Variants in RGS5 observed in about 807,000 individuals in gnomAD.
RGS5 encodes the protein regulator of G protein signaling 5.
In RGS5, 20 loss-of-function variants were observed where a neutral mutation model predicts 18.9. The observed-to-expected ratio is 1.06, with a 90% CI of 0.74 to 1.54. The LOEUF is 1.54. Ranked by LOEUF, RGS5 falls within the 40% of genes most tolerant of loss-of-function variation. RGS5 has a pLI of 0.00. For synonymous variants in RGS5, 57 were observed against 76.2 expected, an observed-to-expected ratio of 0.75 and a Z score of 1.31; for missense variants, 201 against 211.8, an observed-to-expected ratio of 0.95 and a Z score of 0.32.
intron 2 of RGS5, among the ~76,000 whole-genome samples, chr1:163,222,755 G>C (rs1293388617): frequency 6.6e-6 from 1 of 152,200 alleles, no homozygotes; most frequent in African/African-American, 2.4e-5. Context: ...AAAGACAGGG[G>C]TTCTTTGTTG....
At chr1:163,174,851 A>G (rs1326641813) in intron 1 of RGS5, among the ~76,000 whole-genome samples, 2 of 152,238 alleles carry the variant, frequency 1.3e-5, no homozygotes, top group Admixed American at 1.3e-4. Flanking sequence ...TATGTCAGGA[A>G]CAGCGAGAAG....
At chr1:163,317,638 C>T (rs185941999) in intron 1 of RGS5, among the ~76,000 whole-genome samples, 1 of 152,142 alleles carries the variant, frequency 6.6e-6, no homozygotes, top group African/African-American at 2.4e-5. Context: ...TTACTATTAG[C>T]CTTAAGAAGG....
At chr1:163,243,716 C>T (rs1647859984) in intron 2 of RGS5, among the ~76,000 whole-genome samples, 4 of 148,368 alleles carry the variant, frequency 2.7e-5, no homozygotes. Flanking sequence ...ACAGGTTTAC[C>T]TTTGTAACAA....
Position 163,213,714 on chromosome 1 carries a change from C to T in RGS5, c.69+3812G>A, listed in dbSNP as rs116744481. ...CTCCCTCCTGGTTTTTCCTCCTACGCTCCAAGAACTTCAACTGCAGGATCA... is the reference window on the plus strand; with the variant it reads ...CTCCCTCCTGGTTTTTCCTCCTACGTTCCAAGAACTTCAACTGCAGGATCA... On this transcript the variant is annotated intron_variant, in intron 1 of 5. Transcript: ENST00000367903. Among the ~76,000 whole-genome samples, 1,232 of 152,282 alleles carry T rather than the reference C, an allele frequency of 8.1e-3. 5 individuals carry two copies. The highest frequency in any genetic ancestry group is 0.014 in the Non-Finnish European group (939 of 68,016).
intron 1 of RGS5, among the ~76,000 whole-genome samples, chr1:163,184,051 C>T (rs951106241): frequency 1.3e-5 from 2 of 152,088 alleles, no homozygotes; most frequent in East Asian, 1.9e-4. Context: ...GGTTCTTGCA[C>T]GTTGAGGACT....
rs1027034349 is a variant in RGS5 at position 163,152,672 on chromosome 1, C to T, written c.262G>A (p.Glu88Lys). 19 of 1,609,932 alleles carry T rather than the reference C, an allele frequency of 1.2e-5. No homozygotes were observed. The highest frequency in any genetic ancestry group is 1.6e-5 in the Non-Finnish European group (19 of 1,178,132). ...FKSFLKSEFSEENLEFWIACE... is the reference protein window; with the variant it reads ...FKSFLKSEFSKENLEFWIACE... Reference sequence around the variant, plus strand: ...GCAATCCAGAACTCAAGGTTTTCCTCACTGAATTCAGACTTCAGGAAACTT... The same window carrying T: ...GCAATCCAGAACTCAAGGTTTTCCTTACTGAATTCAGACTTCAGGAAACTT... The change falls in exon 4 of 5, where the codon GAG (glutamate) becomes AAG (lysine). Residue 88 changes from glutamate (E) to lysine (K), a missense_variant. Coordinates refer to ENST00000313961, the MANE Select transcript of RGS5 (RefSeq NM_003617.4).
chr1:163,277,978 A>G (rs2999862), intron 2 of RGS5, among the ~76,000 whole-genome samples: 35,746 of 151,834 alleles, frequency 0.24, 5,539 homozygotes, highest in East Asian at 0.66. Context: ...AGACAAAAAG[A>G]AAAAATAAAT....
At chr1:163,307,947 A>T (rs1271177510) in intron 1 of RGS5, among the ~76,000 whole-genome samples, 1 of 152,212 alleles carries the variant, frequency 6.6e-6, no homozygotes, top group African/African-American at 2.4e-5. Flanking sequence ...ATGAGATAGA[A>T]ACTTACATCT....
intron 2 of RGS5, among the ~76,000 whole-genome samples, chr1:163,282,634 C>A (rs1649024389): frequency 6.6e-6 from 1 of 152,094 alleles, no homozygotes; most frequent in Non-Finnish European, 1.5e-5. Context: ...CACTTGAGCC[C>A]AGGAGTTCAA....
chr1:163,264,333 C>A (rs1211716816), intron 2 of RGS5, among the ~76,000 whole-genome samples: 2 of 152,110 alleles, frequency 1.3e-5, no homozygotes, highest in African/African-American at 2.4e-5. Flanking sequence ...GTCCCAAATT[C>A]TATCTCAGTT....
Position 163,146,565 on chromosome 1 carries a change from C to T in RGS5, c.*777G>A, listed in dbSNP as rs926058096. The T allele has an allele frequency of 9.2e-5, 14 of 152,058 alleles. No individual in the cohort carries two copies. The highest frequency in any genetic ancestry group is 3.4e-4 in the African/African-American group (14 of 41,414). The allele number at this position is 152,058 out of a possible 1,614,324, so 9.4% of individuals were successfully genotyped here. ...AATTTGAAAATGGAAACATTTGACC[C>T]ACAGTCTAGCAGCATAAATACATTT... On this transcript the variant is annotated 3_prime_UTR_variant, in exon 5 of 5. Coordinates refer to ENST00000313961, the MANE Select transcript of RGS5 (RefSeq NM_003617.4).
intron 2 of RGS5, among the ~76,000 whole-genome samples, chr1:163,293,389 G>C (rs947251404): frequency 1.3e-5 from 2 of 152,152 alleles, no homozygotes; most frequent in Non-Finnish European, 2.9e-5. Context: ...GAAAGAGCGA[G>C]GGGAGGAAGT....
intron 2 of RGS5, among the ~76,000 whole-genome samples, chr1:163,166,257 C>A (rs1305189192): frequency 1.7e-5 from 1 of 59,274 alleles, no homozygotes. Flanking sequence ...GGAATATAAG[C>A]ACTTATTTGT....
intron 1 of RGS5, among the ~76,000 whole-genome samples, chr1:163,213,454 T>G (rs1007517693): frequency 6.6e-6 from 1 of 152,112 alleles, no homozygotes; most frequent in African/African-American, 2.4e-5. Flanking sequence ...CTCCATTCTT[T>G]CTGAGTGTAA....
intron 1 of RGS5, among the ~76,000 whole-genome samples, chr1:163,181,358 C>A (rs562839693): frequency 7.2e-5 from 11 of 152,146 alleles, no homozygotes; most frequent in African/African-American, 2.4e-4. Flanking sequence ...AGGATCAGAA[C>A]AAGTCTCACT....
At chr1:163,150,683 T>A (rs939262105) in intron 4 of RGS5, among the ~76,000 whole-genome samples, 8 of 152,126 alleles carry the variant, frequency 5.3e-5, no homozygotes, top group African/African-American at 1.9e-4. Flanking sequence ...CTAGATTCTT[T>A]CTAGCACCTT....
chr1:163,212,144 C>A (rs2036702), intron 1 of RGS5: 20,881 of 152,132 alleles, frequency 0.14, 1,499 homozygotes, highest in Non-Finnish European at 0.15. Context: ...GTTCCCATGT[C>A]TGAATGAGTG....
intron 1 of RGS5, among the ~76,000 whole-genome samples, chr1:163,184,700 A>G (rs1403575682): frequency 6.6e-6 from 1 of 152,180 alleles, no homozygotes; most frequent in Non-Finnish European, 1.5e-5. Flanking sequence ...ATGACAATGA[A>G]ATCAGACAGA....
At chr1:163,263,385 T>A (rs138864213) in intron 2 of RGS5, among the ~76,000 whole-genome samples, 10 of 152,256 alleles carry the variant, frequency 6.6e-5, no homozygotes, top group African/African-American at 2.4e-4. Flanking sequence ...TTTTTTTGAG[T>A]ATTTGAATCT....
Sources: allele counts gnomAD v4.1 joint callset (sites outside exome capture counted in the v4.1 genomes callset), GRCh38; gene constraint gnomAD v4.1.1; transcripts MANE v1.5; gene names NCBI Gene and HGNC (gene_info 2026-07-23, HGNC 2026-07-21).